SFMBT2: variants seen among roughly 807,000 people sequenced by gnomAD.
The protein encoded by SFMBT2 is Scm like with four mbt domains 2, also known as scm-like with four MBT domains protein 2.
SFMBT2 carries 38 observed loss-of-function variants against 110.1 expected under a neutral mutation model. That is an observed-to-expected ratio of 0.35 (90% confidence interval 0.27 to 0.45). SFMBT2 has a LOEUF of 0.45. Among genes scored for constraint, SFMBT2 ranks in the 20% least tolerant of loss-of-function variants. The pLI is 1.00. For synonymous variants in SFMBT2, 425 were observed against 425.4 expected (o/e 1.00, Z 0.01); for missense variants, 1,011 against 1,094.9 (o/e 0.92, Z 1.08).
At chr10:7,287,590 C>T (rs1331604966) in intron 4 of SFMBT2, among the ~76,000 whole-genome samples, 1 of 152,158 alleles carries the variant, frequency 6.6e-6, no homozygotes, top group East Asian at 1.9e-4. Flanking sequence ...TAAATGACAG[C>T]AAGACCCTAG....
At chr10:7,373,401 C>G (rs1845111594) in intron 2 of SFMBT2, among the ~76,000 whole-genome samples, 1 of 152,148 alleles carries the variant, frequency 6.6e-6, no homozygotes, top group African/African-American at 2.4e-5. Context: ...CTCGGGTATT[C>G]TGTTATAGGA....
At position 7,276,835 on chromosome 10, in the gene SFMBT2, T is replaced by C. The variant is rs549554834; in HGVS notation, c.870+57A>G. 1.4e-4 allele frequency: 115 copies of C among 827,144 alleles called. 3 individuals are homozygous for C. The highest frequency in any genetic ancestry group is 1.3e-3 in the South Asian group (100 of 75,308). 51.2% of individuals were successfully genotyped at this position (827,144 alleles called of 1,614,324 possible). The stretch of plus-strand genomic sequence containing the variant: ...GCCACTGCGCCCGGCCGGAAAACTT[T>C]GTAGATGATTTTATTCTCAAAAAGG... On this transcript the variant is annotated intron_variant, in intron 7 of 20. Transcript: ENST00000397167.
At chr10:7,303,491 AAG>A (rs145860586) in intron 4 of SFMBT2, among the ~76,000 whole-genome samples, 8 of 151,204 alleles carry the variant, frequency 5.3e-5, no homozygotes, top group South Asian at 2.1e-4. Context: ...CGAGACTAAA[AAG>A]AGAGAGAGAG....
At chr10:7,372,882 T>C (rs2132062233) in intron 2 of SFMBT2, among the ~76,000 whole-genome samples, 2 of 152,350 alleles carry the variant, frequency 1.3e-5, no homozygotes, top group South Asian at 4.1e-4. Context: ...CAGACCCTCC[T>C]GCAGCCCCCT....
intron 6 of SFMBT2, among the ~76,000 whole-genome samples, chr10:7,280,151 G>A (rs1841909182): frequency 6.6e-6 from 1 of 152,172 alleles, no homozygotes; most frequent in African/African-American, 2.4e-5. Context: ...CAGGAAGCGA[G>A]CCCTCCTGGG....
intron 1 of SFMBT2, among the ~76,000 whole-genome samples, chr10:7,391,742 T>C (rs12243333): frequency 0.067 from 10,172 of 152,262 alleles, 1,084 homozygotes; most frequent in African/African-American, 0.23. Flanking sequence ...TAATCAATTT[T>C]ATGTTTCTAT....
chr10:7,254,231 T>C (rs1037015014), intron 7 of SFMBT2, among the ~76,000 whole-genome samples: 2 of 152,164 alleles, frequency 1.3e-5, no homozygotes, highest in African/African-American at 2.4e-5. Context: ...TTGACATCCA[T>C]TCCGATCCTA....
chr10:7,184,398 G>A (rs1332966545), intron 16 of SFMBT2, among the ~76,000 whole-genome samples: 1 of 151,956 alleles, frequency 6.6e-6, no homozygotes, highest in Non-Finnish European at 1.5e-5. Context: ...CTCTTCTCTT[G>A]TCTGCCACCA....
intron 6 of SFMBT2, among the ~76,000 whole-genome samples, chr10:7,278,665 C>T (rs975045387): frequency 2.6e-5 from 4 of 152,150 alleles, no homozygotes; most frequent in African/African-American, 9.7e-5. Context: ...AATTTGAAGA[C>T]CCAACAGGTG....
chr10:7,180,123 C>CT (rs145590317), intron 16 of SFMBT2, among the ~76,000 whole-genome samples: 48,430 of 127,216 alleles, frequency 0.38, 8,422 homozygotes, highest in African/African-American at 0.56. Flanking sequence ...TTTAGGTTTG[C>CT]TTTTTTTTGC....
chr10:7,173,923 C>A (rs756474005), intron 17 of SFMBT2, among the ~76,000 whole-genome samples: 4 of 152,182 alleles, frequency 2.6e-5, no homozygotes, highest in Admixed American at 6.5e-5. Context: ...AGTCACCTAT[C>A]CTTTCTGCAC....
In SFMBT2 at chr10:7,392,983, TTATATATATATATATATATATA is replaced by T. The variant is rs760008467; in HGVS notation, c.-51-11056_-51-11035del. Among the ~76,000 whole-genome samples the T allele has an allele frequency of 9.0e-3, 537 of 59,958 alleles. 9 individuals carry two copies. The highest frequency in any genetic ancestry group is 0.013 in the Non-Finnish European group (373 of 29,508). 39.3% of individuals were successfully genotyped at this position (59,958 alleles called of 152,430 possible). A position where few individuals can be genotyped will look rare whatever the true frequency, so the allele number is the denominator to read the frequency against. On this transcript the variant is annotated intron_variant, in intron 1 of 20. Coordinates refer to ENST00000397167, the MANE Select transcript of SFMBT2 (RefSeq NM_001387889.1). ...CTATATATACAAGTATGTGGATAGATTATATATATATATATATATATATATATATATATATATATATATATAT... is the reference window on the plus strand; with the variant it reads ...CTATATATACAAGTATGTGGATAGATTATATATATATATATATATATATAT...
intron 16 of SFMBT2, 79 bp from the exon 17 acceptor site, chr10:7,176,244 G>T: frequency 7.1e-7 from 1 of 1,406,316 alleles, no homozygotes; most frequent in Non-Finnish European, 9.9e-7. Flanking sequence ...ACATTCCGAA[G>T]GCAGCAACTT....
intron 7 of SFMBT2, among the ~76,000 whole-genome samples, chr10:7,252,310 G>A (rs1288990620): frequency 2.6e-5 from 4 of 152,132 alleles, no homozygotes; most frequent in East Asian, 1.9e-4. Flanking sequence ...AGTGGCTGCC[G>A]CTGCTTGGAA....
chr10:7,313,996 C>T (rs1842922896), intron 4 of SFMBT2, among the ~76,000 whole-genome samples: 1 of 152,146 alleles, frequency 6.6e-6, no homozygotes. Context: ...TCACATTTTA[C>T]TTTATATATT....
Position 7,164,527 on chromosome 10 carries a change from TC to T in SFMBT2, c.2545-618del, listed in dbSNP as rs749934296. 3.6e-5 allele frequency: 30 copies of T among 825,810 alleles called. No homozygotes were observed. In the East Asian group the frequency reaches 3.1e-3, roughly 85 times the overall value. 51.2% of individuals were successfully genotyped at this position (825,810 alleles called of 1,614,324 possible). ...CTGCGGGAATTGCTTCCCAAGCTTA[TC>T]GCCCCTTGCTGGGAGGGCAAGTCAC... On this transcript the variant is annotated intron_variant, in intron 20 of 20. Coordinates refer to ENST00000397167, the MANE Select transcript of SFMBT2 (RefSeq NM_001387889.1).
intron 1 of SFMBT2, among the ~76,000 whole-genome samples, chr10:7,405,716 G>A (rs1846190864): frequency 6.6e-6 from 1 of 152,082 alleles, no homozygotes; most frequent in South Asian, 2.1e-4. Context: ...TTCCAGGCTA[G>A]CACCTTTATT....
chr10:7,183,911 C>T (rs971021023), intron 16 of SFMBT2, among the ~76,000 whole-genome samples: 5 of 152,178 alleles, frequency 3.3e-5, no homozygotes, highest in African/African-American at 1.2e-4. Context: ...ACTGAGCACT[C>T]CCTCGGTATG....
At chr10:7,298,066 G>T (rs1361291251) in intron 4 of SFMBT2, among the ~76,000 whole-genome samples, 2 of 152,186 alleles carry the variant, frequency 1.3e-5, no homozygotes, top group Admixed American at 1.3e-4. Context: ...TTGGCTGCTC[G>T]CCCAGCACCC....
Sources: gnomAD v4.1 joint callset for allele counts (sites outside exome capture counted in the v4.1 genomes callset) on GRCh38, gnomAD v4.1.1 for gene constraint, MANE v1.5 for transcripts, NCBI Gene and HGNC (gene_info 2026-07-23, HGNC 2026-07-21) for gene names.